The following NLGN1 variants were observed in gnomAD, a reference collection of about 807,000 sequenced individuals.
NLGN1 encodes the protein neuroligin-1.
A neutral mutation model predicts 65.5 loss-of-function variants in NLGN1; 12 were observed. That is an observed-to-expected ratio of 0.18 (90% CI 0.12 to 0.30). The LOEUF is 0.30. Ranked by LOEUF, NLGN1 falls within the 10% of genes least tolerant of loss-of-function variation. The probability of loss-of-function intolerance (pLI) is 1.00; values close to 1 mark genes in which losing one functional copy is unlikely to be tolerated. For synonymous variants in NLGN1, 350 were observed against 359.5 expected (o/e 0.97, Z 0.30); for missense variants, 750 against 1,007.1 (o/e 0.74, Z 3.46).
rs536311279 is a variant in NLGN1, at chr3:173,738,593, T to G, written c.494-69087T>G. Reference sequence around the variant, plus strand: ...TTCTAGTTTCTTGATTCTATTCCATTGATTTATATGTCTACCCTTCTTCCA... The same window carrying G: ...TTCTAGTTTCTTGATTCTATTCCATGGATTTATATGTCTACCCTTCTTCCA... On this transcript the variant is annotated intron_variant, in intron 3 of 6. Transcript: ENST00000457714. 8.5e-4 allele frequency among the ~76,000 whole-genome samples: 129 copies of G among 152,262 alleles called. 1 individual carries two copies. Among genetic ancestry groups the G allele is most frequent in the Middle Eastern group, 3.4e-3 (1 of 294 alleles).
chr3:174,026,225 C>G (rs1012304087), intron 4 of NLGN1, among the ~76,000 whole-genome samples: 1 of 152,134 alleles, frequency 6.6e-6, no homozygotes, highest in East Asian at 1.9e-4. Context: ...CTCATGGGCT[C>G]AAGCGATCCT....
intron 2 of NLGN1, among the ~76,000 whole-genome samples, chr3:173,521,368 G>A (rs1734729573): frequency 6.6e-6 from 1 of 152,104 alleles, no homozygotes; most frequent in Non-Finnish European, 1.5e-5. Context: ...AAGTGTGTAA[G>A]ATCTCCATAG....
intron 4 of NLGN1, among the ~76,000 whole-genome samples, chr3:174,068,489 C>T (rs13062810): frequency 1 from 152,144 of 152,144 alleles, 76,072 homozygotes; most frequent in Non-Finnish European, 1. Context: ...ATCTTCACAG[C>T]GCCTAAAATG....
At chr3:173,660,921 T>C (rs1327631514) in intron 3 of NLGN1, among the ~76,000 whole-genome samples, 1 of 151,990 alleles carries the variant, frequency 6.6e-6, no homozygotes, top group South Asian at 2.1e-4. Context: ...TACCTCTTCA[T>C]GTAGTCTCAA....
intron 4 of NLGN1, among the ~76,000 whole-genome samples, chr3:174,124,079 A>T (rs908307025): frequency 2.1e-4 from 32 of 152,080 alleles, no homozygotes; most frequent in Non-Finnish European, 4.3e-4. Context: ...AGGGGAAGAA[A>T]GAGAGATCCC....
intron 3 of NLGN1, among the ~76,000 whole-genome samples, chr3:173,780,758 T>A (rs1184305076): frequency 6.6e-6 from 1 of 152,212 alleles, no homozygotes; most frequent in Non-Finnish European, 1.5e-5. Flanking sequence ...CCCAGAGTAT[T>A]TACTTGATTT....
chr3:173,997,836 A>C (rs1237021575), intron 4 of NLGN1, among the ~76,000 whole-genome samples: 1 of 152,172 alleles, frequency 6.6e-6, no homozygotes, highest in Non-Finnish European at 1.5e-5. Context: ...CTGAAGTAAA[A>C]TACTAGAACC....
At chr3:173,516,139 A>C (rs1293543606) in intron 2 of NLGN1, among the ~76,000 whole-genome samples, 1 of 152,082 alleles carries the variant, frequency 6.6e-6, no homozygotes, top group African/African-American at 2.4e-5. Context: ...GCTTCTAAAA[A>C]TATGCTGATG....
rs146386990 is a variant in NLGN1, at chr3:173,524,398, T to G, written c.-320-79881T>G. Among the ~76,000 whole-genome samples, 1,409 of 152,296 alleles carry G rather than the reference T, an allele frequency of 9.3e-3. 7 individuals carry two copies. Among genetic ancestry groups the G allele is most frequent in the Non-Finnish European group, 0.014 (986 of 68,020 alleles). On this transcript the variant is annotated intron_variant, in intron 2 of 6. Transcript: ENST00000457714. ...ATTGTTGTGTAGAAATGCTACTGAT[T>G]CTTGTACATAGATTTTGTATCCTGA... is the stretch of plus-strand genomic sequence containing the variant.
intron 4 of NLGN1, among the ~76,000 whole-genome samples, chr3:174,020,513 G>A (rs1727545620): frequency 6.6e-6 from 1 of 151,958 alleles, no homozygotes; most frequent in Non-Finnish European, 1.5e-5. Context: ...TTGATGTCTA[G>A]GTCTTGATGT....
At chr3:174,125,710 G>T (rs1273308260) in intron 4 of NLGN1, among the ~76,000 whole-genome samples, 1 of 152,078 alleles carries the variant, frequency 6.6e-6, no homozygotes, top group Non-Finnish European at 1.5e-5. Context: ...TGTATACAGA[G>T]AAAGTATACG....
chr3:173,711,504 G>A (rs1336416594), intron 3 of NLGN1, among the ~76,000 whole-genome samples: 3 of 152,078 alleles, frequency 2.0e-5, no homozygotes, highest in African/African-American at 7.2e-5. Context: ...TTTAATGATG[G>A]TTTATAACAG....
rs750632663 is a variant in NLGN1, at chr3:174,109,615, A to G, written c.647-165700A>G. 2.0e-5 allele frequency among the ~76,000 whole-genome samples: 3 copies of G among 152,054 alleles called. No individual in the cohort carries two copies. In the South Asian group the frequency reaches 6.2e-4, roughly 31 times the overall value. On this transcript the variant is annotated intron_variant, in intron 4 of 6. Coordinates refer to ENST00000457714, the Ensembl canonical transcript of NLGN1. ...TCTGACCTTATAACTCCATCGAGAAATTAACATATTAAATGTATTCTTTTA... is the reference window on the plus strand; with the variant it reads ...TCTGACCTTATAACTCCATCGAGAAGTTAACATATTAAATGTATTCTTTTA...
intron 3 of NLGN1, among the ~76,000 whole-genome samples, chr3:173,788,224 A>AG (rs1217236928): frequency 2.7e-5 from 4 of 150,804 alleles, no homozygotes; most frequent in African/African-American, 9.7e-5. Flanking sequence ...AAAAAAAAAA[A>AG]AAAGAAAAAG....
chr3:173,815,242 G>A (rs539855347), intron 4 of NLGN1, among the ~76,000 whole-genome samples: 1 of 151,408 alleles, frequency 6.6e-6, no homozygotes, highest in South Asian at 2.1e-4. Context: ...TCCCAAGTAG[G>A]TACTACAGGC....
chr3:173,653,874 AC>A (rs1375317211), intron 3 of NLGN1, among the ~76,000 whole-genome samples: 5 of 152,120 alleles, frequency 3.3e-5, no homozygotes, highest in Non-Finnish European at 2.9e-5. Flanking sequence ...GGACCCAGAC[AC>A]CATGCTGTTA....
At chr3:173,887,300 A>G (rs938432254) in intron 4 of NLGN1, among the ~76,000 whole-genome samples, 1 of 152,008 alleles carries the variant, frequency 6.6e-6, no homozygotes, top group African/African-American at 2.4e-5. Context: ...CTGGAATCCT[A>G]AAGAGTTCAG....
chr3:173,886,195 G>A (rs1734301164), intron 4 of NLGN1, among the ~76,000 whole-genome samples: 1 of 151,932 alleles, frequency 6.6e-6, no homozygotes, highest in African/African-American at 2.4e-5. Context: ...ATTTAAAACA[G>A]GGAAAACAGT....
At chr3:173,968,646 G>C (rs1452667413) in intron 4 of NLGN1, among the ~76,000 whole-genome samples, 4 of 138,802 alleles carry the variant, frequency 2.9e-5, no homozygotes, top group African/African-American at 1.1e-4. Flanking sequence ...AAATTTTGAT[G>C]TGTCCACCTT....
Sources: gnomAD v4.1 joint callset for allele counts (sites outside exome capture counted in the v4.1 genomes callset) on GRCh38, gnomAD v4.1.1 for gene constraint, MANE v1.5 for transcripts, NCBI Gene and HGNC (gene_info 2026-07-23, HGNC 2026-07-21) for gene names.